CBFB: variants seen among roughly 807,000 people sequenced by gnomAD.
CBFB encodes the protein core-binding factor subunit beta, also known as CBF-beta.
CBFB carries 9 observed loss-of-function variants against 30.4 expected under a neutral mutation model. The ratio of observed to expected loss-of-function variants is 0.30; its 90% CI spans 0.18 to 0.52. The LOEUF (loss-of-function observed/expected upper bound fraction) is 0.52, where lower values mean the gene tolerates loss of function less well. Ranked by LOEUF, CBFB falls within the 20% of genes least tolerant of loss-of-function variation. The pLI is 0.97. For synonymous variants in CBFB, 94 were observed against 84.0 expected (o/e 1.12, Z -0.65); for missense variants, 170 against 244.0 (o/e 0.70, Z 2.02).
chr16:67,066,786 G>T lies in CBFB; in HGVS notation c.387G>T (p.Glu129Asp), dbSNP rs777492496. 6.3e-7 allele frequency: 1 copy of T among 1,596,804 alleles called. No homozygotes were observed. Among genetic ancestry groups the T allele is most frequent in the Admixed American group, 1.7e-5 (1 of 59,908 alleles). Residue 129 changes from glutamate to aspartate, a missense_variant, in exon 4 of 6, where the codon GAG (glutamate) becomes GAT (aspartate). Glu to Asp is a conservative substitution (Grantham distance 45). Transcript: ENST00000412916. ...LDGMGCLEFDEERAQQEDALA... is the reference protein window; with the variant it reads ...LDGMGCLEFDDERAQQEDALA... ...GTATGGGCTGTCTGGAGTTTGATGA[G>T]GAGCGAGCCCAGGTAGGGTAACATC...
intron 5 of CBFB, among the ~76,000 whole-genome samples, chr16:67,088,077 G>A (rs1388804077): frequency 6.6e-6 from 1 of 152,136 alleles, no homozygotes; most frequent in Non-Finnish European, 1.5e-5. Context: ...TTAAGATCCT[G>A]TAGTCCCTTA....
intron 4 of CBFB, among the ~76,000 whole-genome samples, chr16:67,067,373 C>T (rs1961090872): frequency 2.0e-5 from 3 of 152,044 alleles, no homozygotes. Context: ...TAAAAATTAG[C>T]CAGGCATGGT....
chr16:67,032,032 T>A (rs1797635595), intron 2 of CBFB, among the ~76,000 whole-genome samples: 1 of 152,140 alleles, frequency 6.6e-6, no homozygotes, highest in Admixed American at 6.5e-5. Flanking sequence ...AAAGCTGAAT[T>A]TTTTTGGAAA....
At chr16:67,035,097 T>A (rs936130124) in intron 2 of CBFB, among the ~76,000 whole-genome samples, 2 of 152,112 alleles carry the variant, frequency 1.3e-5, no homozygotes, top group Non-Finnish European at 2.9e-5. Context: ...TTTTTGTTTT[T>A]GTGATGGAGT....
At chr16:67,061,095 A>G (rs1280224186) in intron 3 of CBFB, among the ~76,000 whole-genome samples, 1 of 152,208 alleles carries the variant, frequency 6.6e-6, no homozygotes, top group African/African-American at 2.4e-5. Flanking sequence ...AGGTGATATC[A>G]TGTATAATTT....
chr16:67,096,925 CAAAAAAA>C (rs911939844), intron 5 of CBFB, among the ~76,000 whole-genome samples: 1 of 83,472 alleles, frequency 1.2e-5, no homozygotes, highest in African/African-American at 4.6e-5. Flanking sequence ...GACTCCGTCT[CAAAAAAA>C]AAAAAAAAAA....
chr16:67,074,624 A>G (rs547536621), intron 4 of CBFB, among the ~76,000 whole-genome samples: 1 of 151,694 alleles, frequency 6.6e-6, no homozygotes, highest in African/African-American at 2.4e-5. Context: ...CTCATGATCC[A>G]CCCGCTTCGG....
At chr16:67,046,232 A>G (rs1966625336) in intron 3 of CBFB, among the ~76,000 whole-genome samples, 1 of 151,826 alleles carries the variant, frequency 6.6e-6, no homozygotes, top group Non-Finnish European at 1.5e-5. Context: ...TCAGCCTCCC[A>G]AGTAGCTGGA....
intron 3 of CBFB, 39 bp downstream of exon 3, chr16:67,036,794 T>G: frequency 8.7e-7 from 1 of 1,145,516 alleles, no homozygotes; most frequent in East Asian, 2.3e-5. Context: ...TACTGTGGGT[T>G]GTTTTGTTAG....
intron 2 of CBFB, among the ~76,000 whole-genome samples, chr16:67,031,856 C>T (rs1394578063): frequency 6.6e-6 from 1 of 151,594 alleles, no homozygotes; most frequent in Non-Finnish European, 1.5e-5. Flanking sequence ...TGCTGTGTGG[C>T]CTAGGCTGGG....
At chr16:67,079,207 A>G (rs1393095193) in intron 4 of CBFB, among the ~76,000 whole-genome samples, 1 of 152,194 alleles carries the variant, frequency 6.6e-6, no homozygotes, top group South Asian at 2.1e-4. Flanking sequence ...GTGTTATTTA[A>G]TCTTTACAAC....
chr16:67,067,989 G>A (rs943832781), intron 4 of CBFB, among the ~76,000 whole-genome samples: 6 of 152,210 alleles, frequency 3.9e-5, no homozygotes, highest in Non-Finnish European at 7.3e-5. Context: ...GTCCTTGCAT[G>A]CTACTTTTCC....
intron 3 of CBFB, among the ~76,000 whole-genome samples, chr16:67,043,001 G>C (rs1457540449): frequency 6.6e-6 from 1 of 152,216 alleles, no homozygotes; most frequent in African/African-American, 2.4e-5. Flanking sequence ...CTCCCAAAGT[G>C]CTGGGATTAC....
intron 3 of CBFB, among the ~76,000 whole-genome samples, chr16:67,047,168 C>A (rs1427302471): frequency 5.3e-5 from 8 of 151,812 alleles, no homozygotes; most frequent in African/African-American, 1.9e-4. Context: ...AAAAATTAGC[C>A]AGGCATAAGC....
intron 3 of CBFB, among the ~76,000 whole-genome samples, chr16:67,063,779 A>G (rs1960976899): frequency 1.3e-5 from 2 of 152,146 alleles, no homozygotes; most frequent in Admixed American, 6.6e-5. Flanking sequence ...TCTCAGAGGT[A>G]ATTTTTTTAT....
chr16:67,056,778 T>G (rs1597138090), intron 3 of CBFB, among the ~76,000 whole-genome samples: 1 of 151,366 alleles, frequency 6.6e-6, no homozygotes, highest in South Asian at 2.1e-4. Context: ...GCTTCCCGGG[T>G]TCAAGCAGGT....
At chr16:67,050,124 T>C (rs560346357) in intron 3 of CBFB, among the ~76,000 whole-genome samples, 123 of 149,786 alleles carry the variant, frequency 8.2e-4, no homozygotes, top group African/African-American at 2.7e-3. Context: ...GTTATTTTGG[T>C]CCACCAAGTT....
intron 5 of CBFB, among the ~76,000 whole-genome samples, chr16:67,094,247 C>T (rs990783152): frequency 3.3e-5 from 5 of 151,808 alleles, no homozygotes; most frequent in South Asian, 2.1e-4. Flanking sequence ...TGTGAGCCAC[C>T]GTGTCCGGGC....
chr16:67,082,144 AAC>A (rs1961576162), intron 4 of CBFB, 67 bp from the exon 5 acceptor site: 60 of 1,323,510 alleles, frequency 4.5e-5, no homozygotes, highest in South Asian at 1.5e-4. Flanking sequence ...AAAAAAAAAA[AAC>A]AAAACCCAAA....
Sources: gnomAD v4.1 joint callset for allele counts (sites outside exome capture counted in the v4.1 genomes callset) on GRCh38, gnomAD v4.1.1 for gene constraint, MANE v1.5 for transcripts, NCBI Gene and HGNC (gene_info 2026-07-23, HGNC 2026-07-21) for gene names.